Variants in ZNF333 observed in about 807,000 individuals in gnomAD.
The protein encoded by ZNF333 is zinc finger protein 333.
A neutral mutation model predicts 76.1 loss-of-function variants in ZNF333; 61 were observed. The observed-to-expected ratio is 0.80, with a 90% CI of 0.65 to 0.99. ZNF333 has a LOEUF of 0.99. ZNF333 is among the 50% of genes least tolerant of loss of function. The pLI, the probability that ZNF333 is intolerant of heterozygous loss-of-function variation, is 0.00. For synonymous variants in ZNF333, 284 were observed against 305.0 expected, an observed-to-expected ratio of 0.93 and a Z score of 0.72; for missense variants, 717 against 822.4, an observed-to-expected ratio of 0.87 and a Z score of 1.57.
chr19:14,717,717 C>T lies in ZNF333; in HGVS notation c.884C>T (p.Ser295Phe). 1 of 1,614,002 alleles carries T rather than the reference C, an allele frequency of 6.2e-7. No homozygotes were observed. Among genetic ancestry groups the T allele is most frequent in the African/African-American group, 1.3e-5 (1 of 75,038 alleles). Residue 295 changes from serine (S) to phenylalanine (F), a missense_variant, in exon 11 of 12, where the codon TCC becomes TTC. Ser to Phe is a radical substitution (Grantham distance 155). Coordinates refer to ENST00000292530, the MANE Select transcript of ZNF333 (RefSeq NM_032433.4). ...PSQDTFTEILSIDVKGEQPQP... is the reference protein window; with the variant it reads ...PSQDTFTEILFIDVKGEQPQP... ...CAAGATACTTTTACAGAGATCCTGT[C>T]CATTGATGTGAAAGGGGTAAGGCTC... is the stretch of plus-strand genomic sequence containing the variant.
At chr19:14,703,032 G>A (rs60474081) in intron 5 of ZNF333, among the ~76,000 whole-genome samples, 5,386 of 151,262 alleles carry the variant, frequency 0.036, 303 homozygotes, top group African/African-American at 0.12. Flanking sequence ...GTGAAACCCC[G>A]TCTCTACTAA....
At chr19:14,703,159 C>T (rs898068954) in intron 5 of ZNF333, among the ~76,000 whole-genome samples, 5 of 148,002 alleles carry the variant, frequency 3.4e-5, no homozygotes, top group South Asian at 2.2e-4. Flanking sequence ...GAGCCGAGAT[C>T]GCGCCACTGC....
rs1355073535 is a variant in ZNF333, at chr19:14,699,784, C to T, written c.306+503C>T. On this transcript the variant is annotated intron_variant, in intron 5 of 11. Coordinates refer to ENST00000292530, the MANE Select transcript of ZNF333 (RefSeq NM_032433.4). ...AAATGTGAGTCAGACATTGAGCGTG[C>T]GAAATACGACTTCCTCCTCAGCAAC... Among the ~76,000 whole-genome samples the T allele has an allele frequency of 5.3e-5, 8 of 152,116 alleles. No homozygotes were observed. The South Asian group carries it at 8.3e-4, about 16-fold the overall frequency.
At chr19:14,699,648 G>A (rs999043700) in intron 5 of ZNF333, among the ~76,000 whole-genome samples, 1 of 152,002 alleles carries the variant, frequency 6.6e-6, no homozygotes, top group African/African-American at 2.4e-5. Flanking sequence ...TTTTGGTAGA[G>A]ACAGGGTTTC....
chr19:14,713,466 T>C (rs776706933), intron 7 of ZNF333, among the ~76,000 whole-genome samples: 1 of 152,074 alleles, frequency 6.6e-6, no homozygotes, highest in Non-Finnish European at 1.5e-5. Context: ...CCTGGAGATT[T>C]GGGCTTCATC....
chr19:14,708,659 C>G (rs541954118), intron 7 of ZNF333: 1 of 330,236 alleles, frequency 3.0e-6, no homozygotes, highest in South Asian at 1.6e-4. Flanking sequence ...GCATCCCTGG[C>G]CTCAACTCAC....
chr19:14,701,958 C>T (rs940350542), intron 5 of ZNF333: 4 of 952,164 alleles, frequency 4.2e-6, no homozygotes, highest in Non-Finnish European at 5.0e-6. Context: ...TCTCAGCTGT[C>T]AGGTTCTACT....
chr19:14,699,140 T>C, intron 4 of ZNF333, 59 bp from the exon 5 acceptor site: 1 of 1,292,406 alleles, frequency 7.7e-7, no homozygotes, highest in South Asian at 1.2e-5. Context: ...ATATATATTT[T>C]CAATTAATGT....
At position 14,713,169 on chromosome 19, in the gene ZNF333, G is replaced by A. The variant is rs577954558; in HGVS notation, c.512-2213G>A. On this transcript the variant is annotated intron_variant, in intron 7 of 11. Coordinates refer to ENST00000292530, the MANE Select transcript of ZNF333 (RefSeq NM_032433.4). ...TTCCTCTCCATCTGCGAACCTGTGA[G>A]AAATCAGAAAGCAAGTGATCTGCTT... 3.9e-5 allele frequency among the ~76,000 whole-genome samples: 6 copies of A among 152,284 alleles called. No homozygotes were observed. The South Asian group carries it at 1.2e-3, about 32-fold the overall frequency.
chr19:14,707,508 TCTTCTAGTTGGC>T (rs1339447517), intron 7 of ZNF333, among the ~76,000 whole-genome samples: 1 of 151,832 alleles, frequency 6.6e-6, no homozygotes, highest in Non-Finnish European at 1.5e-5. Context: ...GTGTTTGTTT[TCTTCTAGTTGGC>T]CTTCTAGTAA....
chr19:14,723,106 A>C (rs1047532034), downstream of ZNF333, among the ~76,000 whole-genome samples: 2 of 152,170 alleles, frequency 1.3e-5, no homozygotes, highest in African/African-American at 4.8e-5. Flanking sequence ...TTATATATGG[A>C]GTAAGAAAAG....
chr19:14,715,523 C>T (rs2042405672), intron 8 of ZNF333, 53 bp downstream of exon 8: 2 of 1,540,562 alleles, frequency 1.3e-6, no homozygotes, highest in African/African-American at 1.4e-5. Flanking sequence ...AAAGGCTGGA[C>T]TTACCTTCTT....
Position 14,720,178 on chromosome 19 carries a change from T to G in ZNF333, c.*853T>G. The G allele has an allele frequency of 1.0e-6, 1 of 978,140 alleles. No individual in the cohort carries two copies. The highest frequency in any genetic ancestry group is 1.2e-6 in the Non-Finnish European group (1 of 823,458). The allele number at this position is 978,140 out of a possible 1,614,324, so 60.6% of individuals were successfully genotyped here. The stretch of plus-strand genomic sequence containing the variant: ...TCCAGCCTGGGCAACAGAGTGAAAC[T>G]CTGTCTCAAAAATAATAATAATAAA... On this transcript the variant is annotated 3_prime_UTR_variant, in exon 12 of 12. Transcript: ENST00000292530.
rs1352733815 is a variant in ZNF333 at position 14,705,067 on chromosome 19, TC to T, written c.322del (p.Leu108Ter). 4 of 1,613,950 alleles carry T rather than the reference TC, an allele frequency of 2.5e-6. No homozygotes were observed. The highest frequency in any genetic ancestry group is 3.4e-6 in the Non-Finnish European group (4 of 1,179,924). On this transcript the variant is annotated frameshift_variant, in exon 6 of 12. Transcript: ENST00000292530. LOFTEE classifies it high-confidence loss of function. ...GTCTTTTGCCAGGGGCCGGGGCTGT[TC>T]CTGAGGATGCAGCTGGTGCCCTCCA... ...SRDMQMGPGLFLRMQLVPSIE... is the reference protein window; with the variant it reads ...SRDMQMGPGLXLRMQLVPSIE...
chr19:14,728,329 C>T (rs558736044), intron 11 of ZNF333, among the ~76,000 whole-genome samples: 4 of 152,286 alleles, frequency 2.6e-5, no homozygotes, highest in East Asian at 1.9e-4. Context: ...ACAGAAACCT[C>T]GCTGCTTAGT....
At position 14,719,762 on chromosome 19, in the gene ZNF333, G is replaced by C. The variant is rs1034904116; in HGVS notation, c.*437G>C. On this transcript the variant is annotated 3_prime_UTR_variant, in exon 12 of 12. Transcript: ENST00000292530. ...GTGGCCTCTTTGTTACTGAGTCATA[G>C]GTATTTGCTGAGATTTGCTATTAGG... 4.0e-6 allele frequency: 4 copies of C among 990,680 alleles called. No homozygotes were observed. The African/African-American group carries it at 7.0e-5, about 17-fold the overall frequency. 61.4% of individuals were successfully genotyped at this position (990,680 alleles called of 1,614,324 possible).
Position 14,720,826 on chromosome 19 carries a change from C to G in ZNF333, c.*1501C>G. On this transcript the variant is annotated 3_prime_UTR_variant, in exon 12 of 12. Coordinates refer to ENST00000292530, the MANE Select transcript of ZNF333 (RefSeq NM_032433.4). The stretch of plus-strand genomic sequence containing the variant: ...CATTTATTGAGAGAGGTATGTTAAA[C>G]TCTCCCACCATGATTATGTATTGCT... 13 of 979,294 alleles carry G rather than the reference C, an allele frequency of 1.3e-5. No individual in the cohort carries two copies. The highest frequency in any genetic ancestry group is 1.6e-5 in the Non-Finnish European group (13 of 824,426). The allele number at this position is 979,294 out of a possible 1,614,324, so 60.7% of individuals were successfully genotyped here. A position where few individuals can be genotyped will look rare whatever the true frequency, so the allele number is the denominator to read the frequency against.
intron 7 of ZNF333, among the ~76,000 whole-genome samples, chr19:14,713,775 T>C (rs1002539839): frequency 6.6e-6 from 1 of 151,640 alleles, no homozygotes; most frequent in Admixed American, 6.6e-5. Context: ...CTGGGCAACA[T>C]AGTGAGACCC....
At chr19:14,728,493 C>T (rs1007630388) in intron 11 of ZNF333, among the ~76,000 whole-genome samples, 1 of 152,082 alleles carries the variant, frequency 6.6e-6, no homozygotes, top group African/African-American at 2.4e-5. Context: ...TATGTAGAAA[C>T]TTTGTCTTAT....
Sources: gnomAD v4.1 joint callset for allele counts (sites outside exome capture counted in the v4.1 genomes callset) on GRCh38, gnomAD v4.1.1 for gene constraint, MANE v1.5 for transcripts, NCBI Gene and HGNC (gene_info 2026-07-23, HGNC 2026-07-21) for gene names.